NINL: variants seen among roughly 807,000 people sequenced by gnomAD.
The protein encoded by NINL is ninein like.
NINL carries 153 observed loss-of-function variants against 160.3 expected under a neutral mutation model. That is an observed-to-expected ratio of 0.95 (90% CI 0.84 to 1.09). NINL has a LOEUF of 1.09. NINL is among the 50% of genes least tolerant of loss of function. The pLI is 0.00. For synonymous variants in NINL, 800 were observed against 734.8 expected (o/e 1.09, Z -1.43); for missense variants, 1,829 against 1,764.0 (o/e 1.04, Z -0.66).
chr20:25,468,386 T>C (rs1601021921), intron 18 of NINL, among the ~76,000 whole-genome samples: 1 of 141,390 alleles, frequency 7.1e-6, no homozygotes, highest in African/African-American at 2.7e-5. Context: ...GCCTCCCTGC[T>C]CTGTCCCCCG....
intron 5 of NINL, among the ~76,000 whole-genome samples, chr20:25,505,339 G>T (rs534443393): frequency 2.7e-5 from 4 of 149,566 alleles, no homozygotes; most frequent in African/African-American, 7.3e-5. Flanking sequence ...TGCTGGTTGG[G>T]GGGGGGTCAC....
chr20:25,541,545 G>C (rs1341088764), intron 1 of NINL, among the ~76,000 whole-genome samples: 1 of 152,034 alleles, frequency 6.6e-6, no homozygotes, highest in Non-Finnish European at 1.5e-5. Context: ...ATTCATGCTA[G>C]GACTATAGCT....
chr20:25,549,723 G>A (rs547612004), intron 1 of NINL, among the ~76,000 whole-genome samples: 57 of 152,204 alleles, frequency 3.7e-4, no homozygotes, highest in East Asian at 1.4e-3. Context: ...AAGCCCACTC[G>A]GACCTTGGAT....
At chr20:25,505,181 G>T (rs2063939326) in intron 5 of NINL, 103 bp from the exon 6 acceptor site, 12 of 1,052,400 alleles carry the variant, frequency 1.1e-5, no homozygotes, top group Non-Finnish European at 1.2e-5. Flanking sequence ...CAGCGTGAAT[G>T]AATGTGGAGG....
At chr20:25,482,925 G>C (rs1468153125) in intron 13 of NINL, among the ~76,000 whole-genome samples, 1 of 151,380 alleles carries the variant, frequency 6.6e-6, no homozygotes, top group Non-Finnish European at 1.5e-5. Flanking sequence ...TTGGGAGGCT[G>C]AGGCAGGAGA....
intron 1 of NINL, among the ~76,000 whole-genome samples, chr20:25,534,660 G>T (rs1009872748): frequency 2.0e-5 from 3 of 152,188 alleles, no homozygotes; most frequent in African/African-American, 7.2e-5. Context: ...CACTGTATAT[G>T]CAGTCCATTG....
Position 25,539,937 on chromosome 20 carries a change from G to C in NINL, c.-11-13339C>G, listed in dbSNP as rs1600307613. On this transcript the variant is annotated intron_variant, in intron 1 of 23. Transcript: ENST00000278886. ...AGCACTGCCACTGCACACCCCTGCG[G>C]GTTCCCGGGGGCTCCCAGGCCTGCG... The C allele has an allele frequency of 7.0e-6, 6 of 854,770 alleles. No individual in the cohort carries two copies. In the South Asian group the frequency reaches 8.4e-5, roughly 12 times the overall value. 52.9% of individuals were successfully genotyped at this position (854,770 alleles called of 1,614,324 possible).
At chr20:25,509,596 G>A (rs1021749524) in intron 5 of NINL, 6 of 452,786 alleles carry the variant, frequency 1.3e-5, no homozygotes, top group African/African-American at 1.0e-4. Flanking sequence ...GGGTTAGCCA[G>A]GCTGCCAGCT....
chr20:25,480,324 C>T, intron 14 of NINL, 57 bp from the exon 15 acceptor site: 1 of 1,330,834 alleles, frequency 7.5e-7, no homozygotes, highest in Non-Finnish European at 1.1e-6. Context: ...GGGGCCCCTT[C>T]CAAACCTTCC....
intron 4 of NINL, among the ~76,000 whole-genome samples, 176 bp downstream of exon 4, chr20:25,512,658 C>G (rs2064092168): frequency 6.6e-6 from 1 of 152,190 alleles, no homozygotes; most frequent in South Asian, 2.1e-4. Context: ...GACAACCAGA[C>G]CCAATTTAAA....
At chr20:25,545,345 A>G (rs1024543674) in intron 1 of NINL, among the ~76,000 whole-genome samples, 2 of 152,164 alleles carry the variant, frequency 1.3e-5, no homozygotes, top group African/African-American at 4.8e-5. Flanking sequence ...TTGGGAAAAT[A>G]AGCTTGTAAT....
intron 1 of NINL, among the ~76,000 whole-genome samples, chr20:25,561,212 T>A (rs370557347): frequency 6.6e-6 from 1 of 152,154 alleles, no homozygotes; most frequent in Non-Finnish European, 1.5e-5. Context: ...GGTTTTCCTA[T>A]TTTTTTGGTG....
chr20:25,517,806 G>A lies in NINL; in HGVS notation c.224C>T (p.Ser75Phe). ...EFKEGFVAVL[S>F]SNAGVRPSDE... ...TGAGGGGCGAACACCAGCATTTGAA[G>A]ACAACACAGCCACAAAACCTTCCTT... Residue 75 changes from serine to phenylalanine, a missense_variant, in exon 3 of 24, where the codon TCT (serine) becomes TTT (phenylalanine). Transcript: ENST00000278886. 1 of 1,609,850 alleles carries A rather than the reference G, an allele frequency of 6.2e-7. No homozygotes were observed.
chr20:25,471,083 G>A (rs570080131), intron 17 of NINL, among the ~76,000 whole-genome samples: 2 of 152,114 alleles, frequency 1.3e-5, no homozygotes, highest in South Asian at 2.1e-4. Flanking sequence ...ACTGTGGCAC[G>A]ATCATGGCTC....
intron 1 of NINL, among the ~76,000 whole-genome samples, chr20:25,554,636 C>CAAAACAAAACAAAACA (rs1195606239): frequency 1.3e-3 from 110 of 85,762 alleles, no homozygotes; most frequent in African/African-American, 6.1e-3. Flanking sequence ...AAAAAAAAAA[C>CAAAACAAAACAAAACA]AAAAAAAAAA....
intron 12 of NINL, 31 bp from the exon 13 acceptor site, chr20:25,489,355 T>C: frequency 6.2e-7 from 1 of 1,605,122 alleles, no homozygotes; most frequent in African/African-American, 1.3e-5. Context: ...AAGTCACGGG[T>C]GGGCCTCGGG....
chr20:25,544,546 T>C (rs935216854), intron 1 of NINL, among the ~76,000 whole-genome samples: 1 of 152,206 alleles, frequency 6.6e-6, no homozygotes, highest in Non-Finnish European at 1.5e-5. Context: ...GTGGAATCTT[T>C]GGAAACTTCA....
At chr20:25,557,545 G>GA (rs374365028) in intron 1 of NINL, among the ~76,000 whole-genome samples, 161 of 143,976 alleles carry the variant, frequency 1.1e-3, no homozygotes, top group African/African-American at 3.1e-3. Context: ...AAAAGAAAAG[G>GA]AAAAAAAAAA....
chr20:25,489,112 G>A, intron 13 of NINL, 132 bp downstream of exon 13: 1 of 877,794 alleles, frequency 1.1e-6, no homozygotes. Context: ...AGTGTGGCAA[G>A]GCCATGGTCA....
Sources: allele counts gnomAD v4.1 joint callset (sites outside exome capture counted in the v4.1 genomes callset), GRCh38; gene constraint gnomAD v4.1.1; transcripts MANE v1.5; gene names NCBI Gene and HGNC (gene_info 2026-07-23, HGNC 2026-07-21).